Variants in ACSS3 observed in about 807,000 individuals in gnomAD.
ACSS3 encodes acyl-CoA synthetase short chain family member 3.
ACSS3 carries 64 observed loss-of-function variants against 84.2 expected under a neutral mutation model. That is an observed-to-expected ratio of 0.76 (90% CI 0.62 to 0.94). ACSS3 has a LOEUF of 0.94. Ranked by LOEUF, ACSS3 falls within the 40% of genes least tolerant of loss-of-function variation. The pLI, the probability that ACSS3 is intolerant of heterozygous loss-of-function variation, is 0.00. For missense variants in ACSS3, 815 were observed against 867.6 expected, an observed-to-expected ratio of 0.94 and a Z score of 0.76; for synonymous variants, 317 against 310.1, an observed-to-expected ratio of 1.02 and a Z score of -0.23.
intron 7 of ACSS3, among the ~76,000 whole-genome samples, chr12:81,159,399 T>C (rs1440980618): frequency 6.6e-6 from 1 of 152,180 alleles, no homozygotes; most frequent in Non-Finnish European, 1.5e-5. Flanking sequence ...AGGATATATG[T>C]TTTATAGACA....
chr12:81,198,013 A>G (rs2031917816), intron 8 of ACSS3, among the ~76,000 whole-genome samples: 2 of 152,108 alleles, frequency 1.3e-5, no homozygotes, highest in South Asian at 4.1e-4. Context: ...GTCTTTTCAC[A>G]TTTATGTTGT....
At chr12:81,112,069 TA>T (rs1442233419) in intron 2 of ACSS3, among the ~76,000 whole-genome samples, 1 of 152,166 alleles carries the variant, frequency 6.6e-6, no homozygotes, top group African/African-American at 2.4e-5. Flanking sequence ...TTGTTATTCT[TA>T]CGAGGCTGCA....
At chr12:81,111,984 A>G (rs574504607) in intron 2 of ACSS3, among the ~76,000 whole-genome samples, 1 of 152,276 alleles carries the variant, frequency 6.6e-6, no homozygotes, top group East Asian at 1.9e-4. Flanking sequence ...TGAAAACTGT[A>G]TTTTTGGGAT....
chr12:81,121,497 G>A (rs1255095328), intron 2 of ACSS3, among the ~76,000 whole-genome samples: 1 of 151,768 alleles, frequency 6.6e-6, no homozygotes, highest in African/African-American at 2.4e-5. Context: ...CACTTTTGGT[G>A]TTTACTTAAA....
At position 81,182,972 on chromosome 12, in the gene ACSS3, T is replaced by C. The variant is rs903408807; in HGVS notation, c.1250+8033T>C. ...TGAATACTGACACAGAACAGACACC[T>C]CCAGAATTCTCTCCCCATACAGACC... On this transcript the variant is annotated intron_variant, in intron 8 of 15. Transcript: ENST00000548058. Among the ~76,000 whole-genome samples the C allele has an allele frequency of 2.0e-5, 3 of 152,106 alleles. No individual in the cohort carries two copies. The East Asian group carries it at 5.8e-4, about 29-fold the overall frequency.
chr12:81,255,077 T>A lies in ACSS3; in HGVS notation c.*155T>A. ...GGCCTAAACAAATCTAATGAAAACA[T>A]GTGAAAGACCTGTGCCTTTTTTTTG... On this transcript the variant is annotated 3_prime_UTR_variant, in exon 16 of 16. Transcript: ENST00000548058. 1.5e-6 allele frequency: 1 copy of A among 672,570 alleles called. No homozygotes were observed. Among genetic ancestry groups the A allele is most frequent in the Non-Finnish European group, 2.3e-6 (1 of 429,074 alleles). The allele number at this position is 672,570 out of a possible 1,614,324, so 41.7% of individuals were successfully genotyped here.
Position 81,253,658 on chromosome 12 carries a change from C to G in ACSS3, c.1983C>G (p.Gly661=). ...PRSALSAIVN[G]KPYKITSTIE... ...CAGCTTTATCTGCCATTGTCAATGG[C>G]AAGCCATACAAGGTAAATTATCAAA... Residue 661 remains glycine, a synonymous_variant, in exon 15 of 16, where the codon GGC becomes GGG. Coordinates refer to ENST00000548058, the MANE Select transcript of ACSS3 (RefSeq NM_024560.4). The G allele has an allele frequency of 1.9e-6, 3 of 1,612,982 alleles. No individual in the cohort carries two copies. Among genetic ancestry groups the G allele is most frequent in the Non-Finnish European group, 2.5e-6 (3 of 1,179,258 alleles).
chr12:81,189,829 T>C (rs556605337), intron 8 of ACSS3, among the ~76,000 whole-genome samples: 20 of 152,292 alleles, frequency 1.3e-4, no homozygotes, highest in South Asian at 6.2e-4. Flanking sequence ...ACAACTATAA[T>C]CTACCTGGAA....
intron 13 of ACSS3, among the ~76,000 whole-genome samples, chr12:81,240,698 CA>C (rs147797985): frequency 0.014 from 2,086 of 152,090 alleles, 46 homozygotes; most frequent in African/African-American, 0.04. Context: ...CCTTTCTTAA[CA>C]TATTAAATAT....
chr12:81,101,179 T>C (rs1882480516), intron 1 of ACSS3, among the ~76,000 whole-genome samples: 1 of 152,184 alleles, frequency 6.6e-6, no homozygotes, highest in African/African-American at 2.4e-5. Context: ...GAAATGCTTC[T>C]TTTTACCAGA....
intron 10 of ACSS3, among the ~76,000 whole-genome samples, chr12:81,217,368 G>C (rs2032958104): frequency 6.6e-6 from 1 of 152,040 alleles, no homozygotes; most frequent in Non-Finnish European, 1.5e-5. Flanking sequence ...TTAACCAACT[G>C]GTTAACAGAA....
In ACSS3 at chr12:81,255,647, C is replaced by G. The variant is rs1292772630; in HGVS notation, c.*725C>G. 1.3e-5 allele frequency: 2 copies of G among 152,022 alleles called. No individual in the cohort carries two copies. The highest frequency in any genetic ancestry group is 4.8e-5 in the African/African-American group (2 of 41,368). The allele number at this position is 152,022 out of a possible 1,614,324, so 9.4% of individuals were successfully genotyped here. ...CGAGCCTGGCCAACATGGTGAAACC[C>G]TGTAGCTACTGAAAATACAAAAATA... On this transcript the variant is annotated 3_prime_UTR_variant, in exon 16 of 16. Transcript: ENST00000548058.
At chr12:81,113,615 G>A (rs932232878) in intron 2 of ACSS3, among the ~76,000 whole-genome samples, 1 of 152,074 alleles carries the variant, frequency 6.6e-6, no homozygotes, top group African/African-American at 2.4e-5. Context: ...AATGATGAAT[G>A]AGTCAATGAA....
chr12:81,242,671 G>A, intron 13 of ACSS3, among the ~76,000 whole-genome samples: 1 of 131,528 alleles, frequency 7.6e-6, no homozygotes, highest in Non-Finnish European at 1.7e-5. Flanking sequence ...TGATCAAGTG[G>A]GCTTCATCCC....
At chr12:81,196,000 T>C (rs2031808286) in intron 8 of ACSS3, among the ~76,000 whole-genome samples, 1 of 152,132 alleles carries the variant, frequency 6.6e-6, no homozygotes, top group Non-Finnish European at 1.5e-5. Context: ...CCAATCATAC[T>C]CTAAATTTTG....
chr12:81,109,336 A>T (rs1477134567), intron 1 of ACSS3, among the ~76,000 whole-genome samples: 1 of 152,096 alleles, frequency 6.6e-6, no homozygotes, highest in African/African-American at 2.4e-5. Flanking sequence ...TGAGGTATGT[A>T]TTTTTTTAGT....
intron 1 of ACSS3, among the ~76,000 whole-genome samples, chr12:81,109,054 C>A (rs1384559881): frequency 6.6e-6 from 1 of 152,176 alleles, no homozygotes; most frequent in East Asian, 1.9e-4. Context: ...CTTATCTATT[C>A]TTTGTGAAAT....
intron 8 of ACSS3, among the ~76,000 whole-genome samples, chr12:81,189,568 G>T (rs1010346452): frequency 6.6e-6 from 1 of 151,850 alleles, no homozygotes; most frequent in Non-Finnish European, 1.5e-5. Context: ...TTGTTAATTT[G>T]TAGGAGTTTT....
intron 7 of ACSS3, among the ~76,000 whole-genome samples, chr12:81,164,623 A>T (rs1024385084): frequency 1.3e-5 from 2 of 152,100 alleles, no homozygotes; most frequent in African/African-American, 4.8e-5. Flanking sequence ...TGAACATCTC[A>T]ATTCTGTATT....
Sources: allele counts gnomAD v4.1 joint callset (sites outside exome capture counted in the v4.1 genomes callset), GRCh38; gene constraint gnomAD v4.1.1; transcripts MANE v1.5; gene names NCBI Gene and HGNC (gene_info 2026-07-23, HGNC 2026-07-21).